CNTN3: variants seen among roughly 807,000 people sequenced by gnomAD.
CNTN3 encodes contactin 3, also known as contactin-3.
In CNTN3, 60 loss-of-function variants were observed where a neutral mutation model predicts 119.1. The ratio of observed to expected loss-of-function variants is 0.50; its 90% CI spans 0.41 to 0.62. The LOEUF (loss-of-function observed/expected upper bound fraction) is 0.62. CNTN3 is among the 20% of genes least tolerant of loss of function. CNTN3 has a pLI of 0.00. For missense variants in CNTN3, 1,101 were observed against 1,242.4 expected, an observed-to-expected ratio of 0.89 and a Z score of 1.71; for synonymous variants, 450 against 438.7, an observed-to-expected ratio of 1.03 and a Z score of -0.32.
In CNTN3 at chr3:74,565,991, C is replaced by A. The variant is rs529587209; in HGVS notation, c.-80-44799G>T. On this transcript the variant is annotated intron_variant, in intron 1 of 22. Coordinates refer to ENST00000263665, the MANE Select transcript of CNTN3 (RefSeq NM_020872.3). ...ATGGTTTTATAAAGTGGAGTTCCCC[C>A]ACACAAGTTCTTTCTTGCCTGCTGC... 6.6e-4 allele frequency among the ~76,000 whole-genome samples: 100 copies of A among 152,238 alleles called. 2 individuals are homozygous for A. Among genetic ancestry groups the A allele is most frequent in the Middle Eastern group, 6.8e-3 (2 of 294 alleles).
chr3:74,302,301 T>C (rs1460908829), intron 14 of CNTN3, among the ~76,000 whole-genome samples: 2 of 152,232 alleles, frequency 1.3e-5, no homozygotes. Flanking sequence ...TCATTCTGAA[T>C]AATCCTGATA....
intron 20 of CNTN3, among the ~76,000 whole-genome samples, chr3:74,277,354 T>A (rs1272190437): frequency 1.3e-5 from 2 of 152,134 alleles, no homozygotes; most frequent in Non-Finnish European, 2.9e-5. Context: ...TGAACATAGA[T>A]GCTAAAATCC....
chr3:74,534,464 T>C (rs922448948), intron 1 of CNTN3, among the ~76,000 whole-genome samples: 4 of 152,092 alleles, frequency 2.6e-5, no homozygotes, highest in African/African-American at 7.2e-5. Context: ...CTATTTTTAT[T>C]GTAAAATACA....
chr3:74,461,091 C>G (rs146311785), intron 4 of CNTN3, among the ~76,000 whole-genome samples: 2 of 151,642 alleles, frequency 1.3e-5, no homozygotes, highest in Non-Finnish European at 2.9e-5. Flanking sequence ...TTTACTGTGC[C>G]AATCGACATG....
chr3:74,497,117 T>C (rs953146881), intron 3 of CNTN3, among the ~76,000 whole-genome samples: 1 of 152,010 alleles, frequency 6.6e-6, no homozygotes, highest in African/African-American at 2.4e-5. Context: ...TTTATGATTA[T>C]ATATGTTAAA....
chr3:74,427,629 T>C (rs1481730794), intron 4 of CNTN3, among the ~76,000 whole-genome samples: 2 of 152,148 alleles, frequency 1.3e-5, no homozygotes, highest in South Asian at 4.1e-4. Context: ...TACAAGTAAC[T>C]ACAGCTATCA....
At chr3:74,371,531 G>A in intron 5 of CNTN3, 132 bp from the exon 6 acceptor site, 1 of 648,650 alleles carries the variant, frequency 1.5e-6, no homozygotes, top group Non-Finnish European at 2.7e-6. Context: ...AGGCCATGAA[G>A]AGAAGCAGTT....
At chr3:74,267,489 T>C (rs1172276282) in intron 20 of CNTN3, 111 bp from the exon 21 acceptor site, 2 of 706,270 alleles carry the variant, frequency 2.8e-6, no homozygotes, top group Admixed American at 4.2e-5. Flanking sequence ...CGGGATGCCT[T>C]TGGTAATGCT....
At chr3:74,585,329 A>C (rs1234111349) in intron 1 of CNTN3, among the ~76,000 whole-genome samples, 1 of 152,156 alleles carries the variant, frequency 6.6e-6, no homozygotes, top group Non-Finnish European at 1.5e-5. Context: ...TGAAGTATGT[A>C]ATTCATATTA....
chr3:74,522,993 C>T (rs1457412615), intron 1 of CNTN3, among the ~76,000 whole-genome samples: 1 of 151,712 alleles, frequency 6.6e-6, no homozygotes, highest in African/African-American at 2.4e-5. Context: ...GGGAGAGACA[C>T]ACATTCCACC....
intron 13 of CNTN3, among the ~76,000 whole-genome samples, chr3:74,327,861 G>A (rs1490677760): frequency 6.6e-6 from 1 of 151,414 alleles, no homozygotes; most frequent in East Asian, 1.9e-4. Flanking sequence ...TCATACATAT[G>A]ACCTGAATAT....
intron 4 of CNTN3, among the ~76,000 whole-genome samples, chr3:74,430,558 T>C (rs893288425): frequency 1.3e-5 from 2 of 151,884 alleles, no homozygotes; most frequent in African/African-American, 4.8e-5. Flanking sequence ...GCCTGGGCAA[T>C]AGTGAGACCC....
intron 2 of CNTN3, among the ~76,000 whole-genome samples, chr3:74,520,482 T>C (rs1257061453): frequency 6.6e-6 from 1 of 151,430 alleles, no homozygotes; most frequent in East Asian, 1.9e-4. Flanking sequence ...GAAAATAAAA[T>C]AAAATTAACA....
chr3:74,344,220 C>G (rs1703619785), intron 11 of CNTN3, among the ~76,000 whole-genome samples: 1 of 151,932 alleles, frequency 6.6e-6, no homozygotes, highest in Admixed American at 6.6e-5. Flanking sequence ...AAATAATCTT[C>G]TATGTAGAGA....
rs9864917 is a variant in CNTN3, at chr3:74,551,738, T to G, written c.-80-30546A>C. Among the ~76,000 whole-genome samples, 1,176 of 144,426 alleles carry G rather than the reference T, an allele frequency of 8.1e-3. 5 individuals are homozygous for G. The highest frequency in any genetic ancestry group is 9.5e-3 in the Non-Finnish European group (629 of 66,358). The allele number at this position is 144,426 out of a possible 152,430, so 94.7% of individuals were successfully genotyped here. Reference sequence around the variant, plus strand: ...AGTATGTAGTCTTCACAGATCTGCTTCTTCTTCTTCTTCTTCTTTTTTTTT... The same window carrying G: ...AGTATGTAGTCTTCACAGATCTGCTGCTTCTTCTTCTTCTTCTTTTTTTTT... On this transcript the variant is annotated intron_variant, in intron 1 of 22. Transcript: ENST00000263665.
intron 1 of CNTN3, among the ~76,000 whole-genome samples, chr3:74,558,576 G>A (rs1704105060): frequency 6.6e-6 from 1 of 152,304 alleles, no homozygotes; most frequent in East Asian, 1.9e-4. Flanking sequence ...AGTCTTTGGT[G>A]TATTAAACCT....
intron 11 of CNTN3, among the ~76,000 whole-genome samples, chr3:74,355,051 T>C (rs1703904847): frequency 6.6e-6 from 1 of 152,122 alleles, no homozygotes; most frequent in South Asian, 2.1e-4. Context: ...AGTTCCAGAT[T>C]CAGTCAACCT....
chr3:74,472,145 G>A (rs1702576971), intron 4 of CNTN3, among the ~76,000 whole-genome samples: 1 of 152,182 alleles, frequency 6.6e-6, no homozygotes, highest in African/African-American at 2.4e-5. Context: ...GAAGATCTCA[G>A]TGATGAAGAT....
chr3:74,554,172 G>C (rs1385355086), intron 1 of CNTN3, among the ~76,000 whole-genome samples: 2 of 152,142 alleles, frequency 1.3e-5, no homozygotes, highest in African/African-American at 4.8e-5. Context: ...TATTAAATAG[G>C]GAATCTTTTC....
Sources: allele counts gnomAD v4.1 joint callset (sites outside exome capture counted in the v4.1 genomes callset), GRCh38; gene constraint gnomAD v4.1.1; transcripts MANE v1.5; gene names NCBI Gene and HGNC (gene_info 2026-07-23, HGNC 2026-07-21).